REV1: variants seen among roughly 807,000 people sequenced by gnomAD.
The protein encoded by REV1 is translesion synthesis protein REV1.
REV1 carries 42 observed loss-of-function variants against 137.4 expected under a neutral mutation model. The observed-to-expected ratio is 0.31, with a 90% CI of 0.24 to 0.40. REV1 has a LOEUF of 0.40. REV1 is among the 10% of genes least tolerant of loss of function. The pLI is 1.00. For synonymous variants in REV1, 524 were observed against 519.2 expected (o/e 1.01, Z -0.12); for missense variants, 1,282 against 1,490.1 (o/e 0.86, Z 2.30).
intron 10 of REV1, among the ~76,000 whole-genome samples, chr2:99,422,845 T>C (rs2104610883): frequency 6.6e-6 from 1 of 152,322 alleles, no homozygotes; most frequent in South Asian, 2.1e-4. Flanking sequence ...ATGCTTGCTC[T>C]AGGGCTTCAA....
rs754289706 is a variant in REV1, at chr2:99,438,862, G to T, written c.952C>A (p.Gln318Lys). Residue 318 changes from glutamine (Q) to lysine (K), a missense_variant, in exon 6 of 23, where the codon CAG becomes AAG. Physicochemically the swap from Gln to Lys is moderately conservative, Grantham distance 53. Transcript: ENST00000258428. Reference protein sequence around the residue: ...KINGAHHSTVQGPSSTKSTSS... With the variant: ...KINGAHHSTVKGPSSTKSTSS... ...GTGCTTTTTGTGCTTGAAGGCCCCT[G>T]AACAGTGGAGTGGTGAGCACCATTG... is the stretch of plus-strand genomic sequence containing the variant. The T allele has an allele frequency of 7.4e-6, 12 of 1,614,218 alleles. 1 individual carries two copies. The South Asian group carries it at 1.2e-4, about 16-fold the overall frequency.
intron 12 of REV1, 80 bp downstream of exon 12, chr2:99,418,748 G>T: frequency 7.7e-7 from 1 of 1,304,006 alleles, no homozygotes; most frequent in South Asian, 1.6e-5. Flanking sequence ...GCAAAAAGAG[G>T]TCTCACAGTT....
chr2:99,455,440 A>G (rs778288620), intron 3 of REV1, among the ~76,000 whole-genome samples: 1 of 152,202 alleles, frequency 6.6e-6, no homozygotes, highest in Non-Finnish European at 1.5e-5. Flanking sequence ...ACAATCAACT[A>G]AAAGCCACGG....
intron 4 of REV1, 149 bp downstream of exon 4, chr2:99,449,187 C>A: frequency 3.3e-6 from 1 of 303,866 alleles, no homozygotes; most frequent in Non-Finnish European, 5.6e-6. Context: ...GCTGCTTGAG[C>A]CTGGGAGGTT....
At chr2:99,449,311 A>C (rs1682644431) in intron 4 of REV1, 25 bp downstream of exon 4, 1 of 1,340,006 alleles carries the variant, frequency 7.5e-7, no homozygotes, top group Admixed American at 2.6e-5. Flanking sequence ...AAATTTATTA[A>C]TTAAATTTAA....
chr2:99,460,071 A>C (rs1684006567), intron 3 of REV1, among the ~76,000 whole-genome samples: 1 of 152,120 alleles, frequency 6.6e-6, no homozygotes, highest in African/African-American at 2.4e-5. Flanking sequence ...TCTTTCCTCC[A>C]AATTCCTTTT....
chr2:99,401,925 T>C (rs1675510121), intron 22 of REV1, among the ~76,000 whole-genome samples: 1 of 152,182 alleles, frequency 6.6e-6, no homozygotes, highest in African/African-American at 2.4e-5. Context: ...TTTTGTATTT[T>C]TCAGTAGAGA....
intron 12 of REV1, among the ~76,000 whole-genome samples, chr2:99,413,567 C>T (rs1677469514): frequency 6.6e-6 from 1 of 152,068 alleles, no homozygotes; most frequent in Non-Finnish European, 1.5e-5. Context: ...AAAGGATGAT[C>T]TCTCTGAAGA....
chr2:99,434,107 T>A (rs1455595836), intron 8 of REV1, among the ~76,000 whole-genome samples: 1 of 152,236 alleles, frequency 6.6e-6, no homozygotes, highest in Non-Finnish European at 1.5e-5. Context: ...TCTAAATTTA[T>A]ACAAAGCAAA....
chr2:99,441,198 A>G (rs907931281), intron 5 of REV1, among the ~76,000 whole-genome samples: 11 of 152,338 alleles, frequency 7.2e-5, no homozygotes, highest in African/African-American at 2.6e-4. Flanking sequence ...TAAAAGCTAC[A>G]GGTAACATGA....
At chr2:99,465,283 C>A (rs555378773) in intron 1 of REV1, among the ~76,000 whole-genome samples, 124 of 152,212 alleles carry the variant, frequency 8.1e-4, no homozygotes, top group Non-Finnish European at 1.4e-3. Flanking sequence ...CATAAAACAC[C>A]AAATCCAACT....
At chr2:99,454,712 T>A (rs1466405534) in intron 3 of REV1, among the ~76,000 whole-genome samples, 6 of 152,092 alleles carry the variant, frequency 3.9e-5, no homozygotes, top group Admixed American at 3.9e-4. Context: ...TCTACTGCAC[T>A]CTAGCCTGGG....
intron 1 of REV1, among the ~76,000 whole-genome samples, chr2:99,480,543 C>T (rs551652896): frequency 1.3e-5 from 2 of 152,130 alleles, no homozygotes; most frequent in Non-Finnish European, 2.9e-5. Flanking sequence ...TACACCATAA[C>T]GTATAAATCT....
intron 15 of REV1, among the ~76,000 whole-genome samples, chr2:99,407,800 G>C (rs746330554): frequency 6.6e-6 from 1 of 152,124 alleles, no homozygotes; most frequent in Non-Finnish European, 1.5e-5. Flanking sequence ...GGTTAATCAG[G>C]GGTACCTTGG....
intron 6 of REV1, chr2:99,436,670 T>A (rs1437755981): frequency 3.9e-5 from 6 of 152,250 alleles, no homozygotes; most frequent in Admixed American, 3.9e-4. Flanking sequence ...CTTCTAATCA[T>A]CCTGAGCTAC....
intron 1 of REV1, among the ~76,000 whole-genome samples, chr2:99,470,488 C>G (rs1685295475): frequency 6.6e-6 from 1 of 152,216 alleles, no homozygotes. Context: ...CATCTGCTAG[C>G]CGTAATAAAG....
At chr2:99,413,006 T>C (rs1677386360) in intron 12 of REV1, 55 bp from the exon 13 acceptor site, 1 of 1,277,042 alleles carries the variant, frequency 7.8e-7, no homozygotes, top group Non-Finnish European at 1.1e-6. Flanking sequence ...AACAAGTTTA[T>C]TAACACAAAA....
chr2:99,440,408 T>G (rs895209259), intron 5 of REV1, among the ~76,000 whole-genome samples: 5 of 152,174 alleles, frequency 3.3e-5, no homozygotes, highest in Non-Finnish European at 5.9e-5. Context: ...CTAAAGCCCC[T>G]CACCCTAATA....
At chr2:99,482,911 G>A (rs1381742732) in intron 1 of REV1, among the ~76,000 whole-genome samples, 2 of 151,950 alleles carry the variant, frequency 1.3e-5, no homozygotes, top group East Asian at 3.9e-4. Context: ...CAACCACTTG[G>A]GAGGCTGAGG....
Sources: allele counts gnomAD v4.1 joint callset (sites outside exome capture counted in the v4.1 genomes callset), GRCh38; gene constraint gnomAD v4.1.1; transcripts MANE v1.5; gene names NCBI Gene and HGNC (gene_info 2026-07-23, HGNC 2026-07-21).